ASAP1: variants seen among roughly 807,000 people sequenced by gnomAD.
The protein encoded by ASAP1 is arf-GAP with SH3 domain, ANK repeat and PH domain-containing protein 1.
ASAP1 carries 43 observed loss-of-function variants against 145.2 expected under a neutral mutation model. The ratio of observed to expected loss-of-function variants is 0.30; its 90% confidence interval spans 0.23 to 0.38. The LOEUF (loss-of-function observed/expected upper bound fraction) is 0.38, where lower values mean the gene tolerates loss of function less well. ASAP1 is among the 10% of genes least tolerant of loss of function. The probability of loss-of-function intolerance (pLI) is 1.00; values close to 1 mark genes in which losing one functional copy is unlikely to be tolerated. For missense variants in ASAP1, 1,018 were observed against 1,355.3 expected (o/e 0.75, Z 3.91); for synonymous variants, 546 against 515.5 (o/e 1.06, Z -0.80).
chr8:130,257,234 T>C (rs1342516939), intron 3 of ASAP1, among the ~76,000 whole-genome samples: 12 of 152,140 alleles, frequency 7.9e-5, no homozygotes, highest in Non-Finnish European at 8.8e-5. Flanking sequence ...TACTACTTAA[T>C]AGAATGTCAA....
rs10678909 is a variant in ASAP1 at position 130,276,728 on chromosome 8, ACTCTCTCT to A, written c.187-39742_187-39735del. Among the ~76,000 whole-genome samples the A allele has an allele frequency of 3.9e-3, 337 of 87,300 alleles. 2 individuals carry two copies. Among genetic ancestry groups the A allele is most frequent in the Middle Eastern group, 8.6e-3 (1 of 116 alleles). 57.3% of individuals were successfully genotyped at this position (87,300 alleles called of 152,430 possible). A position where few individuals can be genotyped will look rare whatever the true frequency, so the allele number is the denominator to read the frequency against. ...CACACACACACACACACACACACAC[ACTCTCTCT>A]CTCTCTCTCTCTCTCTCTCTCTCTC... On this transcript the variant is annotated intron_variant, in intron 3 of 29. Coordinates refer to ENST00000518721, the MANE Select transcript of ASAP1 (RefSeq NM_018482.4).
intron 2 of ASAP1, among the ~76,000 whole-genome samples, chr8:130,387,750 A>G (rs1277241540): frequency 6.6e-6 from 1 of 152,128 alleles, no homozygotes; most frequent in African/African-American, 2.4e-5. Flanking sequence ...GATTCTACAA[A>G]TAACAGGCCT....
chr8:130,108,079 CT>C (rs1160632397), intron 24 of ASAP1, among the ~76,000 whole-genome samples: 1 of 152,192 alleles, frequency 6.6e-6, no homozygotes, highest in African/African-American at 2.4e-5. Context: ...GTTCAATTTT[CT>C]CTGTGGCACC....
intron 1 of ASAP1, among the ~76,000 whole-genome samples, chr8:130,403,028 C>T (rs1050325257): frequency 7.2e-5 from 11 of 152,002 alleles, no homozygotes; most frequent in Non-Finnish European, 1.5e-4. Flanking sequence ...CACATTAACC[C>T]ATAATCATAC....
chr8:130,115,035 T>C (rs554962639), intron 23 of ASAP1, among the ~76,000 whole-genome samples: 8 of 152,194 alleles, frequency 5.3e-5, no homozygotes, highest in Admixed American at 1.3e-4. Flanking sequence ...GCTGGGATTA[T>C]AGGCATGAGC....
intron 3 of ASAP1, among the ~76,000 whole-genome samples, chr8:130,330,427 G>C (rs549799324): frequency 1.3e-5 from 2 of 152,200 alleles, no homozygotes; most frequent in Non-Finnish European, 2.9e-5. Flanking sequence ...AGCTCTGACC[G>C]GTCTATGCTA....
chr8:130,111,210 C>CAAAAAA (rs768575084), intron 24 of ASAP1, among the ~76,000 whole-genome samples: 2 of 41,692 alleles, frequency 4.8e-5, no homozygotes, highest in Non-Finnish European at 8.1e-5. Context: ...TCATCTCTAC[C>CAAAAAA]AAAAAAAAAA....
At chr8:130,147,688 C>A (rs2097635486) in intron 13 of ASAP1, among the ~76,000 whole-genome samples, 1 of 152,154 alleles carries the variant, frequency 6.6e-6, no homozygotes, top group Non-Finnish European at 1.5e-5. Context: ...ACAATAAGAT[C>A]CTGAATGGGC....
chr8:130,192,647 T>C (rs1461670017), intron 5 of ASAP1, among the ~76,000 whole-genome samples: 2 of 152,186 alleles, frequency 1.3e-5, no homozygotes, highest in Non-Finnish European at 2.9e-5. Context: ...TTTTCCTCTG[T>C]TCACGGAGAT....
intron 5 of ASAP1, among the ~76,000 whole-genome samples, chr8:130,206,093 C>A (rs1816203432): frequency 6.6e-6 from 1 of 151,944 alleles, no homozygotes; most frequent in Admixed American, 6.6e-5. Context: ...TAAAAATAAA[C>A]CTTTCCCTCT....
intron 1 of ASAP1, among the ~76,000 whole-genome samples, chr8:130,411,987 G>C (rs1018921562): frequency 6.6e-6 from 1 of 152,120 alleles, no homozygotes; most frequent in African/African-American, 2.4e-5. Context: ...TTACTCCCTC[G>C]CAGGAAGCCC....
chr8:130,229,454 G>A (rs1229399000), intron 4 of ASAP1, among the ~76,000 whole-genome samples: 1 of 152,162 alleles, frequency 6.6e-6, no homozygotes, highest in Admixed American at 6.5e-5. Flanking sequence ...TGAAATAGGA[G>A]GCAGCAAGAT....
intron 5 of ASAP1, among the ~76,000 whole-genome samples, chr8:130,212,935 C>T (rs1816676549): frequency 6.6e-6 from 1 of 152,190 alleles, no homozygotes; most frequent in South Asian, 2.1e-4. Context: ...TGCGAAAACA[C>T]CCATCTCAGA....
At chr8:130,424,844 T>G (rs1829854067) in intron 1 of ASAP1, among the ~76,000 whole-genome samples, 1 of 151,746 alleles carries the variant, frequency 6.6e-6, no homozygotes, top group South Asian at 2.1e-4. Context: ...ATACAAAAAA[T>G]TAGCCGGGCA....
chr8:130,302,147 T>G (rs560362923), intron 3 of ASAP1, among the ~76,000 whole-genome samples: 1 of 152,372 alleles, frequency 6.6e-6, no homozygotes, highest in Non-Finnish European at 1.5e-5. Flanking sequence ...GACTCATACA[T>G]TCTCTCATTT....
At chr8:130,273,234 TTG>T (rs1820686400) in intron 3 of ASAP1, among the ~76,000 whole-genome samples, 1 of 152,176 alleles carries the variant, frequency 6.6e-6, no homozygotes, top group African/African-American at 2.4e-5. Flanking sequence ...AGTTTTAGTG[TTG>T]TAATTATCAT....
In ASAP1 at chr8:130,218,367, C is replaced by T. The variant is rs531834075; in HGVS notation, c.260-3666G>A. On this transcript the variant is annotated intron_variant, in intron 4 of 29. Coordinates refer to ENST00000518721, the MANE Select transcript of ASAP1 (RefSeq NM_018482.4). Reference sequence around the variant, plus strand: ...CAAGTGAAAAATATAATTAGTTAATCGAATATACATGTATGCGCCACCCAG... The same window carrying T: ...CAAGTGAAAAATATAATTAGTTAATTGAATATACATGTATGCGCCACCCAG... 4.5e-4 allele frequency among the ~76,000 whole-genome samples: 68 copies of T among 152,214 alleles called. 2 individuals carry two copies. The South Asian group carries it at 0.014, about 31-fold the overall frequency.
intron 2 of ASAP1, among the ~76,000 whole-genome samples, chr8:130,367,792 G>A (rs181779893): frequency 1.2e-4 from 19 of 152,314 alleles, no homozygotes; most frequent in African/African-American, 4.3e-4. Flanking sequence ...CCCCGTTAAA[G>A]ATACCCTATA....
chr8:130,318,607 C>T (rs769952817), intron 3 of ASAP1, among the ~76,000 whole-genome samples: 2 of 152,206 alleles, frequency 1.3e-5, no homozygotes, highest in Non-Finnish European at 1.5e-5. Flanking sequence ...ACTCTGCCAG[C>T]TCTCTGCATT....
Sources: allele counts gnomAD v4.1 joint callset (sites outside exome capture counted in the v4.1 genomes callset), GRCh38; gene constraint gnomAD v4.1.1; transcripts MANE v1.5; gene names NCBI Gene and HGNC (gene_info 2026-07-23, HGNC 2026-07-21).